The following SYNE1 variants were observed in gnomAD, a reference collection of about 807,000 sequenced individuals.
SYNE1 encodes the protein nesprin-1.
Under a neutral mutation model 1,111.0 loss-of-function variants are expected in SYNE1, and 616 were observed. The observed-to-expected ratio is 0.55, with a 90% CI of 0.52 to 0.59. SYNE1 has a LOEUF of 0.59. SYNE1 is among the 20% of genes least tolerant of loss of function. SYNE1 has a pLI of 0.00. For synonymous variants in SYNE1, 3,855 were observed against 3,825.8 expected (o/e 1.01, Z -0.28); for missense variants, 10,006 against 10,417.0 (o/e 0.96, Z 1.72).
intron 5 of SYNE1, among the ~76,000 whole-genome samples, chr6:152,522,009 T>C (rs541910858): frequency 6.6e-6 from 1 of 152,168 alleles, no homozygotes; most frequent in Non-Finnish European, 1.5e-5. Context: ...GATTTAATTT[T>C]TGTATAGGCC....
At chr6:152,231,200 A>C (rs1237673127) in intron 114 of SYNE1, among the ~76,000 whole-genome samples, 191 bp downstream of exon 114, 1 of 152,266 alleles carries the variant, frequency 6.6e-6, no homozygotes. Context: ...ATATACAAAG[A>C]GCAGAGAATG....
intron 3 of SYNE1, among the ~76,000 whole-genome samples, chr6:152,571,055 C>G (rs2128308794): frequency 6.6e-6 from 1 of 152,096 alleles, no homozygotes; most frequent in African/African-American, 2.4e-5. Flanking sequence ...TTGATGTTTA[C>G]TCTGGTCTTT....
At position 152,230,316 on chromosome 6, in the gene SYNE1, C is replaced by T. The variant is rs116003088; in HGVS notation, c.21195+231G>A. 0.011 allele frequency among the ~76,000 whole-genome samples: 1,612 copies of T among 151,798 alleles called. 27 individuals carry two copies. Among genetic ancestry groups the T allele is most frequent in the African/African-American group, 0.037 (1,514 of 41,340 alleles). On this transcript the variant is annotated intron_variant, in intron 115 of 145. Transcript: ENST00000367255. The stretch of plus-strand genomic sequence containing the variant: ...GGTTCATAGCATTTCTCTCTACTTA[C>T]GAGTATGTTTGAAAATTTTCATAAT...
intron 61 of SYNE1, 84 bp downstream of exon 61, chr6:152,368,888 C>A: frequency 1.9e-6 from 3 of 1,579,686 alleles, no homozygotes; most frequent in South Asian, 2.2e-5. Flanking sequence ...GGTCAGGATG[C>A]AATGCACACC....
At chr6:152,304,711 A>G (rs528482910) in intron 91 of SYNE1, among the ~76,000 whole-genome samples, 3 of 152,278 alleles carry the variant, frequency 2.0e-5, no homozygotes, top group Admixed American at 6.5e-5. Flanking sequence ...TCCCTGCTAC[A>G]GTATCCTGCA....
intron 65 of SYNE1, 104 bp downstream of exon 65, chr6:152,359,211 G>A: frequency 6.5e-7 from 1 of 1,528,490 alleles, no homozygotes. Flanking sequence ...CTTTTGTTCT[G>A]TTTTCCCAAG....
intron 33 of SYNE1, chr6:152,435,613 G>A: frequency 2.9e-6 from 1 of 347,576 alleles, no homozygotes. Context: ...GAATAATATA[G>A]TAAAAAAATT....
intron 78 of SYNE1, among the ~76,000 whole-genome samples, chr6:152,328,384 A>ATTTTT (rs67607914): frequency 3.3e-4 from 11 of 32,890 alleles, no homozygotes; most frequent in African/African-American, 1.3e-3. Flanking sequence ...ATTTTATTTT[A>ATTTTT]TTTATTTATT....
Position 152,371,918 on chromosome 6 carries a change from G to GA in SYNE1, c.9507+1118dup, listed in dbSNP as rs1165398651. On this transcript the variant is annotated intron_variant, in intron 59 of 145. Coordinates refer to ENST00000367255, the MANE Select transcript of SYNE1 (RefSeq NM_182961.4). ...GAAAGGAAAGGAAAGGAAAGGAAAG[G>GA]AAAGGACAGGACAGGACAGGAAAGG... Among the ~76,000 whole-genome samples, 6 of 64,990 alleles carry GA rather than the reference G, an allele frequency of 9.2e-5. 1 individual carries two copies. Among genetic ancestry groups the GA allele is most frequent in the Middle Eastern group, 5.7e-3 (1 of 174 alleles). The allele number at this position is 64,990 out of a possible 152,430, so 42.6% of individuals were successfully genotyped here. A position where few individuals can be genotyped will look rare whatever the true frequency, so the allele number is the denominator to read the frequency against.
chr6:152,468,656 C>T lies in SYNE1; in HGVS notation c.1633-2578G>A, dbSNP rs150617023. ...AAAGTATTCTTTCTTTTTTGCAGGA[C>T]GGATAAGTCTGAATTGAGAATTATG... On this transcript the variant is annotated intron_variant, in intron 16 of 145. Coordinates refer to ENST00000367255, the MANE Select transcript of SYNE1 (RefSeq NM_182961.4). Among the ~76,000 whole-genome samples the T allele has an allele frequency of 3.7e-3, 559 of 152,064 alleles. 3 individuals carry two copies. Among genetic ancestry groups the T allele is most frequent in the African/African-American group, 0.011 (466 of 41,474 alleles).
chr6:152,135,336 G>T, intron 141 of SYNE1, 104 bp from the exon 142 acceptor site: 1 of 1,308,794 alleles, frequency 7.6e-7, no homozygotes, highest in Non-Finnish European at 1.1e-6. Flanking sequence ...TTGGTTTTAA[G>T]AACATACATG....
intron 93 of SYNE1, 61 bp from the exon 94 acceptor site, chr6:152,294,188 C>T: frequency 1.3e-6 from 2 of 1,575,000 alleles, no homozygotes; most frequent in Non-Finnish European, 1.7e-6. Flanking sequence ...TTAATATGCT[C>T]TGGGTACTGT....
intron 98 of SYNE1, chr6:152,277,727 C>T: frequency 4.2e-6 from 1 of 240,090 alleles, no homozygotes; most frequent in Non-Finnish European, 8.2e-6. Flanking sequence ...TTCTTTGACC[C>T]ACTTCTCCTT....
At chr6:152,620,912 A>T (rs538757723) in intron 3 of SYNE1, among the ~76,000 whole-genome samples, 1 of 152,334 alleles carries the variant, frequency 6.6e-6, no homozygotes, top group African/African-American at 2.4e-5. Context: ...CTGGGTGAAT[A>T]GGTTAGATAC....
chr6:152,477,582 T>C (rs1169638270), intron 14 of SYNE1, among the ~76,000 whole-genome samples: 1 of 152,212 alleles, frequency 6.6e-6, no homozygotes, highest in African/African-American at 2.4e-5. Flanking sequence ...ACACCTAATA[T>C]CCCATGTCCT....
At chr6:152,326,665 T>C (rs758075847) in intron 78 of SYNE1, 32 bp from the exon 79 acceptor site, 3 of 1,593,468 alleles carry the variant, frequency 1.9e-6, no homozygotes. Context: ...CATAATCAAC[T>C]CTCCTTTGCA....
rs575657817 is a variant in SYNE1 at position 152,159,054 on chromosome 6, C to T, written c.23791-2957G>A. On this transcript the variant is annotated intron_variant, in intron 131 of 145. Transcript: ENST00000367255. ...GCAACCTCCGCCTCCCAGGTTCAAG[C>T]GATTCTCCTGCCTCAGCCTCCTGAG... Among the ~76,000 whole-genome samples, 15 of 152,222 alleles carry T rather than the reference C, an allele frequency of 9.9e-5. No homozygotes were observed. The South Asian group carries it at 2.7e-3, about 27-fold the overall frequency.
intron 53 of SYNE1, among the ~76,000 whole-genome samples, chr6:152,388,174 T>C (rs868692889): frequency 6.6e-6 from 1 of 152,288 alleles, no homozygotes; most frequent in African/African-American, 2.4e-5. Context: ...TTTGCATCCA[T>C]TGATCCATTG....
intron 34 of SYNE1, among the ~76,000 whole-genome samples, chr6:152,433,106 GA>G (rs1306162152): frequency 6.6e-6 from 1 of 151,048 alleles, no homozygotes; most frequent in African/African-American, 2.4e-5. Flanking sequence ...AAAAAAAGCT[GA>G]GGTAGAAAAA....
Sources: gnomAD v4.1 joint callset for allele counts (sites outside exome capture counted in the v4.1 genomes callset) on GRCh38, gnomAD v4.1.1 for gene constraint, MANE v1.5 for transcripts, NCBI Gene and HGNC (gene_info 2026-07-23, HGNC 2026-07-21) for gene names.